Variants in MYO7A observed in about 807,000 individuals in gnomAD.
MYO7A encodes the protein myosin VIIA.
In MYO7A, 210 loss-of-function variants were observed where a neutral mutation model predicts 263.8. The observed-to-expected ratio is 0.80, with a 90% CI of 0.71 to 0.89. MYO7A has a LOEUF of 0.89. Ranked by LOEUF, MYO7A falls within the 40% of genes least tolerant of loss-of-function variation. The pLI, the probability that MYO7A is intolerant of heterozygous loss-of-function variation, is 0.00. For missense variants in MYO7A, 2,820 were observed against 2,968.3 expected (o/e 0.95, Z 1.16); for synonymous variants, 1,239 against 1,197.3 (o/e 1.03, Z -0.72).
At chr11:77,176,447 A>C (rs1352237189) in intron 18 of MYO7A, among the ~76,000 whole-genome samples, 1 of 152,152 alleles carries the variant, frequency 6.6e-6, no homozygotes, top group African/African-American at 2.4e-5. Context: ...TATTATACCC[A>C]TTTCACAGGC....
At position 77,174,753 on chromosome 11, in the gene MYO7A, C is replaced by T. The variant is rs782735136; in HGVS notation, c.1936-3C>T. 1.3e-6 allele frequency: 2 copies of T among 1,579,096 alleles called. No individual in the cohort carries two copies. Among genetic ancestry groups the T allele is most frequent in the South Asian group, 2.3e-5 (2 of 86,448 alleles). On this transcript the variant is annotated splice_region_variant and splice_polypyrimidine_tract_variant and intron_variant, in intron 16 of 48. Transcript: ENST00000409709. ...CTGATGCCCTTGGCTGTGTGCCTGG[C>T]AGCTGTTCGACCGGCACCTGTGCGT...
chr11:77,198,060 G>A (rs374528750), intron 33 of MYO7A, among the ~76,000 whole-genome samples: 5 of 152,360 alleles, frequency 3.3e-5, no homozygotes, highest in East Asian at 3.9e-4. Flanking sequence ...CTGTGAAGTC[G>A]AGAGTAGCAG....
chr11:77,199,679 G>C lies in MYO7A; in HGVS notation c.4713G>C (p.Thr1571=). The C allele has an allele frequency of 6.2e-7, 1 of 1,613,318 alleles. No homozygotes were observed. The highest frequency in any genetic ancestry group is 8.5e-7 in the Non-Finnish European group (1 of 1,179,790). The change falls in exon 35 of 49, where the codon ACG becomes ACC. Residue 1571 remains threonine (T), a synonymous_variant. Transcript: ENST00000409709. Reference sequence around the variant, plus strand: ...CGAAAACGACGGCCCCCAGCTTCACGCTGGCCACCATCAAGGGGGACGAAT... The same window carrying C: ...CGAAAACGACGGCCCCCAGCTTCACCCTGGCCACCATCAAGGGGGACGAAT... ...RGAKTTAPSF[T]LATIKGDEYT...
At chr11:77,203,592 G>A (rs1957228461) in intron 38 of MYO7A, among the ~76,000 whole-genome samples, 1 of 152,172 alleles carries the variant, frequency 6.6e-6, no homozygotes. Flanking sequence ...TGGAGGAAGT[G>A]GTATCTAGGC....
At position 77,181,446 on chromosome 11, in the gene MYO7A, C is replaced by T. The variant is rs530696050; in HGVS notation, c.2761C>T (p.Arg921Trp). ...GCTGAAGGAGAAGGAGGCCGCTCGG[C>T]GGAAGAAGGAGCTCCTGGAGCAGAT... Reference protein sequence around the residue: ...RELKEKEAARRKKELLEQMER... With the variant: ...RELKEKEAARWKKELLEQMER... The change falls in exon 23 of 49, where the codon CGG (arginine) becomes TGG (tryptophan). Residue 921 changes from arginine to tryptophan, a missense_variant. Arg to Trp is a moderately radical substitution (Grantham distance 101, BLOSUM62 -3). Transcript: ENST00000409709. 2.5e-5 allele frequency: 40 copies of T among 1,606,284 alleles called. No homozygotes were observed. The African/African-American group carries it at 2.5e-4, about 10-fold the overall frequency.
rs782745630 is a variant in MYO7A, at chr11:77,158,278, G to T, written c.851G>T (p.Gly284Val). Residue 284 changes from glycine to valine, a missense_variant and splice_region_variant, in exon 9 of 49, where the codon GGT (glycine) becomes GTT (valine). Physicochemically the swap from Gly to Val is moderately radical, Grantham distance 109 (BLOSUM62 -3). Transcript: ENST00000409709. The part of the protein sequence containing the change: ...QASDYNYLAM[G>V]NCITCEGRVD... Reference sequence around the variant, plus strand: ...CCACTCTCCCACCCTGCCCACCAGGGTAACTGCATAACCTGTGAGGGCCGG... The same window carrying T: ...CCACTCTCCCACCCTGCCCACCAGGTTAACTGCATAACCTGTGAGGGCCGG... 6.3e-7 allele frequency: 1 copy of T among 1,595,494 alleles called. No homozygotes were observed. Among genetic ancestry groups the T allele is most frequent in the Non-Finnish European group, 8.6e-7 (1 of 1,167,008 alleles).
intron 20 of MYO7A, 113 bp from the exon 21 acceptor site, chr11:77,179,622 C>G: frequency 1.1e-6 from 1 of 925,546 alleles, no homozygotes; most frequent in Non-Finnish European, 1.6e-6. Context: ...CTGGGCCACG[C>G]CTTCTGGGGG....
Position 77,156,637 on chromosome 11 carries a change from C to G in MYO7A, c.471-23C>G, listed in dbSNP as rs782471604. 1.9e-6 allele frequency: 3 copies of G among 1,611,688 alleles called. No individual in the cohort carries two copies. The African/African-American group carries it at 4.0e-5, about 22-fold the overall frequency. ...GGAGTCCCTGTGGGTTGTGACAGGT[C>G]CTGCCACTCCCTCCCTCTGCAGTGG... On this transcript the variant is annotated intron_variant, in intron 5 of 48. Transcript: ENST00000409709.
Position 77,183,086 on chromosome 11 carries a change from C to T in MYO7A, c.3304C>T (p.Gln1102Ter), listed in dbSNP as rs2135504652. 6.4e-7 allele frequency: 1 copy of T among 1,551,604 alleles called. No homozygotes were observed. The change falls in exon 26 of 49, where the codon CAG becomes TAG. Residue 1102 changes from glutamine to a stop codon, truncating the protein, a stop_gained. Transcript: ENST00000409709. LOFTEE classifies it high-confidence loss of function. The part of the protein sequence containing the change: ...GEGEAQLPEG[Q>*]KKSSVRHKLV... ...CCTGCAGGCCCAGCTCCCCGAGGGC[C>T]AGAAGAAGAGCAGTGTGAGGCACAA...
chr11:77,177,514 C>G lies in MYO7A; in HGVS notation c.2188-35C>G, dbSNP rs782015047. On this transcript the variant is annotated intron_variant, in intron 18 of 48. Transcript: ENST00000409709. Reference sequence around the variant, plus strand: ...CTGAGCAGGTGGTCCTAGAGGAGACCTTGTGGGGCGCTGCTCAGGAGCTCT... The same window carrying G: ...CTGAGCAGGTGGTCCTAGAGGAGACGTTGTGGGGCGCTGCTCAGGAGCTCT... The G allele has an allele frequency of 9.7e-6, 15 of 1,552,278 alleles. No homozygotes were observed. In the African/African-American group the frequency reaches 1.5e-4, roughly 15 times the overall value.
intron 29 of MYO7A, 136 bp from the exon 30 acceptor site, chr11:77,190,561 G>C: frequency 9.9e-7 from 1 of 1,012,510 alleles, no homozygotes; most frequent in Non-Finnish European, 1.4e-6. Flanking sequence ...ACAGGGACAA[G>C]CAGTGTCCCA....
At position 77,213,920 on chromosome 11, in the gene MYO7A, T is replaced by C; in HGVS notation, c.6499T>C (p.Phe2167Leu). The C allele has an allele frequency of 6.2e-7, 1 of 1,614,054 alleles. No individual in the cohort carries two copies. The highest frequency in any genetic ancestry group is 8.5e-7 in the Non-Finnish European group (1 of 1,179,892). Residue 2167 changes from phenylalanine to leucine, a missense_variant, in exon 48 of 49, where the codon TTC (phenylalanine) becomes CTC (leucine). Coordinates refer to ENST00000409709, the MANE Select transcript of MYO7A (RefSeq NM_000260.4). Reference protein sequence around the residue: ...ISNWSSGNTYFHITIGNLVRG... With the variant: ...ISNWSSGNTYLHITIGNLVRG... ...CAACTGGAGCAGCGGCAACACCTAC[T>C]TCCACATCACCATTGGGAACTTGGT...
intron 19 of MYO7A, among the ~76,000 whole-genome samples, chr11:77,178,084 T>C (rs1052425909): frequency 6.6e-6 from 1 of 151,696 alleles, no homozygotes; most frequent in African/African-American, 2.4e-5. Flanking sequence ...ATTAAAGCTC[T>C]GCAAAAATTC....
At position 77,175,444 on chromosome 11, in the gene MYO7A, A is replaced by G. The variant is rs1555079557; in HGVS notation, c.2167A>G (p.Lys723Glu). The change falls in exon 18 of 49, where the codon AAA becomes GAA. Residue 723 changes from lysine to glutamate, a missense_variant. Physicochemically the swap from Lys to Glu is moderately conservative, Grantham distance 56 (BLOSUM62 1). Coordinates refer to ENST00000409709, the MANE Select transcript of MYO7A (RefSeq NM_000260.4). ...CACCCACGATGACTGGCAGATAGGC[A>G]AAACCAAGATCTTTCTGAAGGTGAG... is the stretch of plus-strand genomic sequence containing the variant. ...LGTHDDWQIG[K>E]TKIFLKDHHD... is the part of the protein sequence containing the mutation. 1 of 1,613,234 alleles carries G rather than the reference A, an allele frequency of 6.2e-7. No homozygotes were observed. The highest frequency in any genetic ancestry group is 8.5e-7 in the Non-Finnish European group (1 of 1,179,890).
intron 3 of MYO7A, among the ~76,000 whole-genome samples, chr11:77,146,761 A>G (rs1951597839): frequency 1.3e-5 from 2 of 151,924 alleles, no homozygotes; most frequent in African/African-American, 4.8e-5. Context: ...TCCTGGGGCT[A>G]CTGGGTCATG....
At chr11:77,203,666 A>T (rs1285339107) in intron 38 of MYO7A, among the ~76,000 whole-genome samples, 7 of 152,018 alleles carry the variant, frequency 4.6e-5, no homozygotes, top group Non-Finnish European at 7.4e-5. Context: ...TGTTCCAGAG[A>T]GAGGGAGCAG....
At chr11:77,131,185 G>A (rs909439021) in intron 2 of MYO7A, among the ~76,000 whole-genome samples, 2 of 152,132 alleles carry the variant, frequency 1.3e-5, no homozygotes, top group Admixed American at 6.5e-5. Flanking sequence ...GCCCTTCCCC[G>A]TGATCAGTCT....
chr11:77,155,879 C>A (rs782044773), intron 4 of MYO7A, 28 bp from the exon 5 acceptor site: 21 of 1,542,802 alleles, frequency 1.4e-5, no homozygotes, highest in Non-Finnish European at 1.7e-5. Flanking sequence ...ATGGAATCAG[C>A]GAGCTCCCCA....
chr11:77,171,423 T>G (rs1954080777), intron 15 of MYO7A, among the ~76,000 whole-genome samples: 1 of 152,178 alleles, frequency 6.6e-6, no homozygotes, highest in Non-Finnish European at 1.5e-5. Flanking sequence ...CCTACCGCAT[T>G]GCAAATACTC....
Sources: allele counts gnomAD v4.1 joint callset (sites outside exome capture counted in the v4.1 genomes callset), GRCh38; gene constraint gnomAD v4.1.1; transcripts MANE v1.5; gene names NCBI Gene and HGNC (gene_info 2026-07-23, HGNC 2026-07-21).